STK32B: variants seen among roughly 807,000 people sequenced by gnomAD.
STK32B encodes the protein serine/threonine kinase 32B, also known as serine/threonine-protein kinase 32B.
A neutral mutation model predicts 52.6 loss-of-function variants in STK32B; 43 were observed. The observed-to-expected ratio is 0.82, with a 90% CI of 0.64 to 1.05. The LOEUF is 1.05. Among genes scored for constraint, STK32B ranks in the 50% least tolerant of loss-of-function variants. The probability of loss-of-function intolerance (pLI) is 0.00; values close to 1 mark genes in which losing one functional copy is unlikely to be tolerated. For missense variants in STK32B, 621 were observed against 534.6 expected (o/e 1.16, Z -1.59); for synonymous variants, 238 against 204.3 (o/e 1.17, Z -1.41).
At chr4:5,029,552 A>G in the STK32B span, among the ~76,000 whole-genome samples, 7 of 152,158 alleles carry the variant, frequency 4.6e-5, no homozygotes, top group African/African-American at 1.4e-4. Context: ...GCTGTAAGCA[A>G]TGGGGCTCTG....
rs188107063 is a variant in STK32B at position 5,079,338 on chromosome 4, A to G, written c.52+27423A>G. ...GAATAAATTTATTGAAGGAAAATAT[A>G]CAAGGTGAAATTTATAAACATTTTT... On this transcript the variant is annotated intron_variant, in intron 1 of 11. Coordinates refer to ENST00000282908, the MANE Select transcript of STK32B (RefSeq NM_018401.3). Among the ~76,000 whole-genome samples the G allele has an allele frequency of 3.3e-5, 5 of 152,336 alleles. No individual in the cohort carries two copies. In the East Asian group the frequency reaches 9.6e-4, roughly 29 times the overall value.
chr4:5,438,120 C>T, intron 6 of STK32B: 1 of 985,530 alleles, frequency 1.0e-6, no homozygotes. Flanking sequence ...CCATTCTGCA[C>T]TGCTGGGTGC....
At chr4:5,163,961 C>G (rs1346134626) in intron 2 of STK32B, among the ~76,000 whole-genome samples, 1 of 152,170 alleles carries the variant, frequency 6.6e-6, no homozygotes, top group East Asian at 1.9e-4. Flanking sequence ...CTATGGCTGG[C>G]TCTTCCCACT....
intron 6 of STK32B, among the ~76,000 whole-genome samples, chr4:5,434,925 G>A (rs16837211): frequency 0.012 from 1,793 of 152,204 alleles, 30 homozygotes; most frequent in African/African-American, 0.041. Flanking sequence ...GCTGTATTGA[G>A]CCCTGGCCTT....
chr4:5,267,533 ATC>A (rs1727132495), intron 3 of STK32B, among the ~76,000 whole-genome samples: 1 of 152,176 alleles, frequency 6.6e-6, no homozygotes, highest in Non-Finnish European at 1.5e-5. Context: ...GCATTCTCAC[ATC>A]TCAGGAAAAG....
At chr4:5,113,683 A>G (rs1714533886) in intron 1 of STK32B, among the ~76,000 whole-genome samples, 1 of 152,168 alleles carries the variant, frequency 6.6e-6, no homozygotes, top group South Asian at 2.1e-4. Context: ...GAAATAACAG[A>G]CTTATCAAAG....
At chr4:5,311,045 G>T (rs182917991) in intron 3 of STK32B, among the ~76,000 whole-genome samples, 78 of 152,242 alleles carry the variant, frequency 5.1e-4, no homozygotes, top group African/African-American at 1.7e-3. Flanking sequence ...GGGAAAAGTG[G>T]CAGGGAAAAT....
chr4:5,167,927 C>G (rs1258561511), intron 2 of STK32B, among the ~76,000 whole-genome samples: 1 of 152,236 alleles, frequency 6.6e-6, no homozygotes, highest in African/African-American at 2.4e-5. Context: ...GAGTCTGCGA[C>G]ACTCGTGCAC....
intron 6 of STK32B, among the ~76,000 whole-genome samples, chr4:5,439,975 G>A (rs536070881): frequency 6.6e-6 from 1 of 152,246 alleles, no homozygotes; most frequent in African/African-American, 2.4e-5. Context: ...CTCTGTTTTG[G>A]TACAAGTACC....
chr4:5,317,989 C>G (rs771114595), intron 3 of STK32B, among the ~76,000 whole-genome samples: 1 of 152,126 alleles, frequency 6.6e-6, no homozygotes, highest in Non-Finnish European at 1.5e-5. Flanking sequence ...GTGAGGCCAG[C>G]AATCTGTGTT....
chr4:5,495,330 G>T (rs1014834020), intron 11 of STK32B, among the ~76,000 whole-genome samples: 2 of 151,928 alleles, frequency 1.3e-5, no homozygotes, highest in Admixed American at 6.6e-5. Context: ...TTCAGTTCAT[G>T]TTCCATCGCT....
chr4:5,241,403 A>C (rs1044606185), intron 3 of STK32B, among the ~76,000 whole-genome samples: 2 of 152,114 alleles, frequency 1.3e-5, no homozygotes, highest in African/African-American at 2.4e-5. Flanking sequence ...GTCCCTAAAA[A>C]AGGTATTTGT....
intron 1 of STK32B, among the ~76,000 whole-genome samples, chr4:5,108,831 A>G (rs974222243): frequency 5.3e-5 from 8 of 152,190 alleles, no homozygotes; most frequent in African/African-American, 1.9e-4. Context: ...TAAAATCACA[A>G]GTAGAAATCA....
chr4:5,362,131 C>T lies in STK32B; in HGVS notation c.434+30738C>T, dbSNP rs534182781. Among the ~76,000 whole-genome samples the T allele has an allele frequency of 2.6e-4, 40 of 152,160 alleles. No individual in the cohort carries two copies. In the South Asian group the frequency reaches 7.7e-3, roughly 29 times the overall value. ...AAGATGTATAGAACACATTTTTAAG[C>T]AATAAAAATTGTATGTTGGGAGCGA... On this transcript the variant is annotated intron_variant, in intron 4 of 11. Coordinates refer to ENST00000282908, the MANE Select transcript of STK32B (RefSeq NM_018401.3).
At chr4:5,077,309 T>C (rs1712141888) in intron 1 of STK32B, among the ~76,000 whole-genome samples, 1 of 152,140 alleles carries the variant, frequency 6.6e-6, no homozygotes, top group African/African-American at 2.4e-5. Context: ...ATCTCCTTGC[T>C]GCACGCAGGC....
At chr4:5,437,586 C>G (rs1402897970) in intron 6 of STK32B, among the ~76,000 whole-genome samples, 2 of 152,192 alleles carry the variant, frequency 1.3e-5, no homozygotes, top group Non-Finnish European at 2.9e-5. Context: ...AAATATGGCC[C>G]TATTCACAGG....
chr4:5,208,932 CTCAGTGGGCTTCA>C (rs1201276970), intron 3 of STK32B, among the ~76,000 whole-genome samples: 1 of 152,242 alleles, frequency 6.6e-6, no homozygotes, highest in Admixed American at 6.5e-5. Flanking sequence ...CTTTTCCCTG[CTCAGTGGGCTTCA>C]TCAGTGATTC....
chr4:5,054,284 G>GT (rs1741912075), intron 1 of STK32B, among the ~76,000 whole-genome samples: 1 of 152,344 alleles, frequency 6.6e-6, no homozygotes, highest in South Asian at 2.1e-4. Flanking sequence ...CACAGGGTGT[G>GT]TAAGTGCCCT....
At chr4:5,313,459 T>C (rs1337459280) in intron 3 of STK32B, among the ~76,000 whole-genome samples, 2 of 148,880 alleles carry the variant, frequency 1.3e-5, no homozygotes, top group Admixed American at 1.3e-4. Flanking sequence ...AAGGTAAGGA[T>C]TTTTGCTTTT....
Sources: allele counts gnomAD v4.1 joint callset (sites outside exome capture counted in the v4.1 genomes callset), GRCh38; gene constraint gnomAD v4.1.1; transcripts MANE v1.5; gene names NCBI Gene and HGNC (gene_info 2026-07-23, HGNC 2026-07-21).